GPR89B: variants seen among roughly 807,000 people sequenced by gnomAD.
GPR89B encodes golgi pH regulator B.
GPR89B carries 25 observed loss-of-function variants against 52.4 expected under a neutral mutation model. The observed-to-expected ratio is 0.48, with a 90% CI of 0.35 to 0.67. The LOEUF is 0.67. Ranked by LOEUF, GPR89B falls within the 30% of genes least tolerant of loss-of-function variation. The probability of loss-of-function intolerance (pLI) is 0.01; values close to 1 mark genes in which losing one functional copy is unlikely to be tolerated. For missense variants in GPR89B, 146 were observed against 450.2 expected, an observed-to-expected ratio of 0.32 and a Z score of 6.11; for synonymous variants, 52 against 151.2, an observed-to-expected ratio of 0.34 and a Z score of 4.81.
the GPR89B span, chr1:148,005,589 G>C: frequency 8.9e-7 from 1 of 1,128,782 alleles, no homozygotes; most frequent in Non-Finnish European, 1.3e-6. Flanking sequence ...GTTGACTTCT[G>C]ATTAGCCCCA....
chr1:148,020,634 G>C, the GPR89B span, among the ~76,000 whole-genome samples: 1 of 151,796 alleles, frequency 6.6e-6, no homozygotes, highest in Admixed American at 6.6e-5. Flanking sequence ...GGGAACTACT[G>C]TATAGTCCTT....
intron 10 of GPR89B, among the ~76,000 whole-genome samples, chr1:147,980,994 T>A (rs1423345429): frequency 6.6e-6 from 1 of 151,460 alleles, no homozygotes; most frequent in Non-Finnish European, 1.5e-5. Flanking sequence ...TTTATATTGT[T>A]TTATGATTGG....
At position 147,949,396 on chromosome 1, in the gene GPR89B, C is replaced by T. The variant is rs587635343; in HGVS notation, c.416-3949C>T. ...TGGCTGGCTGGGCGGGGGGCTGACC[C>T]CCCCACCTCCCTCCCGGACGGGGCG... On this transcript the variant is annotated intron_variant, in intron 5 of 13. Coordinates refer to ENST00000314163, the MANE Select transcript of GPR89B (RefSeq NM_016334.5). 2.8e-4 allele frequency among the ~76,000 whole-genome samples: 39 copies of T among 139,642 alleles called. 4 individuals are homozygous for T. The highest frequency in any genetic ancestry group is 9.7e-4 in the African/African-American group (34 of 35,190). 91.6% of individuals were successfully genotyped at this position (139,642 alleles called of 152,430 possible).
At chr1:148,017,093 G>A in the GPR89B span, among the ~76,000 whole-genome samples, 2,915 of 151,744 alleles carry the variant, frequency 0.019, 110 homozygotes, top group African/African-American at 0.058. Context: ...CCAGGCTGGA[G>A]TGCAGTGGCG....
chr1:147,975,206 G>T (rs1329377745), intron 10 of GPR89B, among the ~76,000 whole-genome samples: 2 of 134,266 alleles, frequency 1.5e-5, no homozygotes, highest in Non-Finnish European at 3.2e-5. Context: ...TTAGGGAGGA[G>T]TCCCTCTTTT....
chr1:147,959,838 C>T (rs1300549127), intron 7 of GPR89B, among the ~76,000 whole-genome samples: 2 of 151,644 alleles, frequency 1.3e-5, no homozygotes, highest in African/African-American at 4.9e-5. Flanking sequence ...TGATTGAGTG[C>T]ATTTTCTGAG....
intron 7 of GPR89B, among the ~76,000 whole-genome samples, chr1:147,959,723 G>A (rs1408334471): frequency 2.0e-5 from 3 of 151,978 alleles, no homozygotes; most frequent in Non-Finnish European, 1.5e-5. Context: ...GTATTTCCAC[G>A]GTAAACACCA....
chr1:147,936,563 A>T (rs1553247922), intron 1 of GPR89B, 64 bp from the exon 2 acceptor site: 1 of 1,146,012 alleles, frequency 8.7e-7, no homozygotes, highest in Non-Finnish European at 1.3e-6. Flanking sequence ...ATCATAAAAG[A>T]GTTTCTATAA....
chr1:147,931,491 T>C (rs1391789158), intron 1 of GPR89B, among the ~76,000 whole-genome samples: 2 of 152,194 alleles, frequency 1.3e-5, no homozygotes, highest in African/African-American at 4.8e-5. Flanking sequence ...GCTTCTGCTT[T>C]CTTTTTGGAT....
chr1:147,957,774 A>G, intron 7 of GPR89B, among the ~76,000 whole-genome samples: 1 of 151,984 alleles, frequency 6.6e-6, no homozygotes, highest in Non-Finnish European at 1.5e-5. Context: ...AGATAACATT[A>G]GACATAAAGG....
At chr1:147,978,792 C>A (rs1553253993) in intron 10 of GPR89B, among the ~76,000 whole-genome samples, 2 of 151,862 alleles carry the variant, frequency 1.3e-5, no homozygotes, top group Non-Finnish European at 2.9e-5. Flanking sequence ...GTGGGGAATT[C>A]CTCCTGGTCC....
Position 147,986,295 on chromosome 1 carries a change from G to A in GPR89B, c.1005+1G>A, listed in dbSNP as rs1352871388. On this transcript the variant is annotated splice_donor_variant, in intron 11 of 13. Transcript: ENST00000314163. LOFTEE classifies it high-confidence loss of function. ...GAATTATCTGGGAATCCAATTTGAT[G>A]TAAGTGTTATATCAAGATCCTGGTT... 1.9e-6 allele frequency: 3 copies of A among 1,610,888 alleles called. No homozygotes were observed. Among genetic ancestry groups the A allele is most frequent in the African/African-American group, 1.3e-5 (1 of 74,910 alleles).
Position 147,933,492 on chromosome 1 carries a change from C to T in GPR89B, c.43-3135C>T, listed in dbSNP as rs1238482476. ...TGCCTTCACAATCTGTCTTTTATTCCAGATACTTGCTGGATATCTTGACCC... is the reference window on the plus strand; with the variant it reads ...TGCCTTCACAATCTGTCTTTTATTCTAGATACTTGCTGGATATCTTGACCC... On this transcript the variant is annotated intron_variant, in intron 1 of 13. Transcript: ENST00000314163. Among the ~76,000 whole-genome samples the T allele has an allele frequency of 1.1e-4, 17 of 152,116 alleles. No homozygotes were observed. The East Asian group carries it at 3.3e-3, about 29-fold the overall frequency.
intron 8 of GPR89B, chr1:147,968,268 G>T: frequency 2.2e-6 from 1 of 453,812 alleles, no homozygotes; most frequent in South Asian, 1.6e-5. Context: ...AGGAAAAGAG[G>T]ATTTGACTTT....
At chr1:147,949,393 A>G (rs1243264731) in intron 5 of GPR89B, among the ~76,000 whole-genome samples, 1 of 114,112 alleles carries the variant, frequency 8.8e-6, no homozygotes, top group Non-Finnish European at 1.8e-5. Flanking sequence ...CGGGGGGCTG[A>G]CCCCCCCACC....
At chr1:147,935,950 C>T (rs1302597749) in intron 1 of GPR89B, among the ~76,000 whole-genome samples, 1 of 152,080 alleles carries the variant, frequency 6.6e-6, no homozygotes, top group Non-Finnish European at 1.5e-5. Context: ...ACCATGTTGG[C>T]CAGGCTAGTA....
chr1:147,990,418 A>G lies in GPR89B; in HGVS notation c.1095+1897A>G, dbSNP rs1436926272. Among the ~76,000 whole-genome samples the G allele has an allele frequency of 5.3e-5, 8 of 152,218 alleles. 2 individuals are homozygous for G. The highest frequency in any genetic ancestry group is 1.9e-4 in the African/African-American group (8 of 41,552). The stretch of plus-strand genomic sequence containing the variant: ...TAGGTTGCCTGTTCACTCTGATGGT[A>G]GTTTCTTTTGCTGTGCAGAAGCTCT... On this transcript the variant is annotated intron_variant, in intron 12 of 13. Coordinates refer to ENST00000314163, the MANE Select transcript of GPR89B (RefSeq NM_016334.5).
At chr1:147,945,615 C>T (rs1373020860) in intron 5 of GPR89B, among the ~76,000 whole-genome samples, 5 of 152,134 alleles carry the variant, frequency 3.3e-5, no homozygotes, top group African/African-American at 7.2e-5. Context: ...AACATAACAC[C>T]AGCCTGCCAA....
At chr1:147,947,842 A>G (rs1553250071) in intron 5 of GPR89B, among the ~76,000 whole-genome samples, 1 of 151,602 alleles carries the variant, frequency 6.6e-6, no homozygotes, top group African/African-American at 2.4e-5. Context: ...TCAATAAGAA[A>G]TGATGTCTTC....
Sources: allele counts gnomAD v4.1 joint callset (sites outside exome capture counted in the v4.1 genomes callset), GRCh38; gene constraint gnomAD v4.1.1; transcripts MANE v1.5; gene names NCBI Gene and HGNC (gene_info 2026-07-23, HGNC 2026-07-21).